The following LRIG2 variants were observed in gnomAD, a reference collection of about 807,000 sequenced individuals.
The protein encoded by LRIG2 is leucine rich repeats and immunoglobulin like domains 2.
Under a neutral mutation model 107.8 loss-of-function variants are expected in LRIG2, and 93 were observed. The observed-to-expected ratio is 0.86, with a 90% CI of 0.73 to 1.03. The LOEUF (loss-of-function observed/expected upper bound fraction) is 1.03. Among genes scored for constraint, LRIG2 ranks in the 50% least tolerant of loss-of-function variants. The probability of loss-of-function intolerance (pLI) is 0.00; values close to 1 mark genes in which losing one functional copy is unlikely to be tolerated. For synonymous variants in LRIG2, 471 were observed against 470.6 expected, an observed-to-expected ratio of 1.00 and a Z score of -0.01; for missense variants, 1,226 against 1,296.0, an observed-to-expected ratio of 0.95 and a Z score of 0.83.
In LRIG2 at chr1:113,073,422, CT is replaced by C. The variant is rs1189543766; in HGVS notation, c.17del (p.Leu6GlnfsTer97). On this transcript the variant is annotated frameshift_variant, in exon 1 of 18. Transcript: ENST00000361127. LOFTEE classifies it high-confidence loss of function. MAPAP[L>X]GVPEEQLLGC... ...GAGGGGGAAAATGGCGCCGGCGCCC[CT>C]AGGCGTCCCGGAGGAGCAGTTGCTG... The C allele has an allele frequency of 4.3e-6, 7 of 1,613,770 alleles. No individual in the cohort carries two copies. The highest frequency in any genetic ancestry group is 1.3e-5 in the African/African-American group (1 of 74,932).
chr1:113,080,800 A>C (rs1329841177), intron 1 of LRIG2, among the ~76,000 whole-genome samples: 4 of 151,924 alleles, frequency 2.6e-5, no homozygotes, highest in Admixed American at 2.0e-4. Flanking sequence ...TCATCTTTTT[A>C]AACAAAGAAA....
Position 113,073,592 on chromosome 1 carries a change from C to T in LRIG2, c.186C>T (p.Pro62=). The T allele has an allele frequency of 6.2e-7, 1 of 1,613,838 alleles. No homozygotes were observed. Among genetic ancestry groups the T allele is most frequent in the Non-Finnish European group, 8.5e-7 (1 of 1,179,972 alleles). Residue 62 remains proline (P), a synonymous_variant, in exon 1 of 18, where the codon CCC becomes CCT. Coordinates refer to ENST00000361127, the MANE Select transcript of LRIG2 (RefSeq NM_014813.3). The part of the protein sequence containing the change: ...PLLDCSRRKL[P]APSWRALSGL... ...TGGACTGCAGTCGCAGGAAATTGCCCGCACCGAGCTGGAGGGCGCTGTCGG... is the reference window on the plus strand; with the variant it reads ...TGGACTGCAGTCGCAGGAAATTGCCTGCACCGAGCTGGAGGGCGCTGTCGG...
intron 8 of LRIG2, among the ~76,000 whole-genome samples, chr1:113,097,135 C>T (rs1394418559): frequency 6.6e-6 from 1 of 151,524 alleles, no homozygotes; most frequent in Non-Finnish European, 1.5e-5. Context: ...GTAAGTTATT[C>T]AATTTACAGA....
rs900501287 is a variant in LRIG2 at position 113,127,128 on chromosome 1, A to G, written c.*3027A>G. On this transcript the variant is annotated 3_prime_UTR_variant, in exon 18 of 18. Coordinates refer to ENST00000361127, the MANE Select transcript of LRIG2 (RefSeq NM_014813.3). ...GAAACCAAAGATTGCTTCTTTTCCA[A>G]GTTTGTTTTGTTTTTAATCTTTTAC... 4.6e-5 allele frequency: 7 copies of G among 152,192 alleles called. No individual in the cohort carries two copies. The highest frequency in any genetic ancestry group is 1.4e-4 in the African/African-American group (6 of 41,444). 9.4% of individuals were successfully genotyped at this position (152,192 alleles called of 1,614,324 possible). A position where few individuals can be genotyped will look rare whatever the true frequency, so the allele number is the denominator to read the frequency against.
chr1:113,100,531 T>TA lies in LRIG2; in HGVS notation c.1313+43_1313+44insA, dbSNP rs534957860. 58 of 1,164,450 alleles carry TA rather than the reference T, an allele frequency of 5.0e-5. 2 individuals are homozygous for TA. In the South Asian group the frequency reaches 6.9e-4, roughly 14 times the overall value. 72.1% of individuals were successfully genotyped at this position (1,164,450 alleles called of 1,614,324 possible). On this transcript the variant is annotated intron_variant, in intron 11 of 17. Transcript: ENST00000361127. ...TTAAAATCACCAGTTGGATCATTGTTCCTGCTTGTTGTGCTTAAAGTGTGA... is the reference window on the plus strand; with the variant it reads ...TTAAAATCACCAGTTGGATCATTGTTACCTGCTTGTTGTGCTTAAAGTGTGA...
At position 113,130,783 on chromosome 1, in the gene LRIG2, G is replaced by A. The variant is rs888347411; in HGVS notation, c.*6682G>A. 5 of 152,104 alleles carry A rather than the reference G, an allele frequency of 3.3e-5. No homozygotes were observed. The highest frequency in any genetic ancestry group is 1.9e-4 in the East Asian group (1 of 5,198). 9.4% of individuals were successfully genotyped at this position (152,104 alleles called of 1,614,324 possible). The stretch of plus-strand genomic sequence containing the variant: ...ATTTTGGACTTTGGTTGACAAAAGC[G>A]GTCTGACCTGTGTTCGTAGCTGGGA... On this transcript the variant is annotated 3_prime_UTR_variant, in exon 18 of 18. Transcript: ENST00000361127.
In LRIG2 at chr1:113,114,621, G is replaced by A. The variant is rs1227064636; in HGVS notation, c.2275G>A (p.Glu759Lys). Residue 759 changes from glutamate to lysine, a missense_variant, in exon 15 of 18, where the codon GAA (glutamate) becomes AAA (lysine). This residue lies in a region of LRIG2 where 642 missense variants were observed against 712.2 expected (regional missense o/e 0.90). Coordinates refer to ENST00000361127, the MANE Select transcript of LRIG2 (RefSeq NM_014813.3). ...QLLIIVDAGL[E>K]DAGKYTCIMS... ...TCTCATCATTGTAGATGCCGGGCTAGAAGATGCTGGGAAATATACCTGCAT... is the reference window on the plus strand; with the variant it reads ...TCTCATCATTGTAGATGCCGGGCTAAAAGATGCTGGGAAATATACCTGCAT... 6.2e-7 allele frequency: 1 copy of A among 1,614,148 alleles called. No individual in the cohort carries two copies. The highest frequency in any genetic ancestry group is 1.1e-5 in the South Asian group (1 of 91,076).
chr1:113,108,225 C>CTTT (rs58719865), intron 12 of LRIG2, among the ~76,000 whole-genome samples: 1 of 139,838 alleles, frequency 7.2e-6, no homozygotes, highest in Non-Finnish European at 1.6e-5. Flanking sequence ...TTCAAATATA[C>CTTT]TTTTTTTTTT....
intron 1 of LRIG2, among the ~76,000 whole-genome samples, chr1:113,082,255 A>G (rs1044844087): frequency 6.6e-6 from 1 of 152,216 alleles, no homozygotes; most frequent in Admixed American, 6.5e-5. Flanking sequence ...GATATCTTCA[A>G]GACATTTTTG....
At chr1:113,084,017 TA>T (rs1653416497) in intron 1 of LRIG2, among the ~76,000 whole-genome samples, 1 of 137,498 alleles carries the variant, frequency 7.3e-6, no homozygotes, top group Admixed American at 8.0e-5. Flanking sequence ...ATAATAATAA[TA>T]ATAATAATAA....
chr1:113,075,591 T>C (rs1374682553), intron 1 of LRIG2, among the ~76,000 whole-genome samples: 9 of 151,984 alleles, frequency 5.9e-5, no homozygotes, highest in Non-Finnish European at 1.0e-4. Context: ...TGCCTTTTTC[T>C]AAGACATTCT....
intron 1 of LRIG2, among the ~76,000 whole-genome samples, chr1:113,074,960 GTAATCCCAGCACTC>G (rs1293669962): frequency 2.0e-5 from 3 of 152,034 alleles, no homozygotes; most frequent in Non-Finnish European, 4.4e-5. Context: ...GCTCACGCTT[GTAATCCCAGCACTC>G]TGGGAGGCTG....
chr1:113,104,037 C>T (rs1314221452), intron 11 of LRIG2, among the ~76,000 whole-genome samples: 1 of 152,116 alleles, frequency 6.6e-6, no homozygotes, highest in East Asian at 1.9e-4. Flanking sequence ...TGTTTGAGCC[C>T]CTGCTAACTA....
Position 113,110,450 on chromosome 1 carries a change from T to A in LRIG2, c.1686T>A (p.Thr562=), listed in dbSNP as rs770321771. The change falls in exon 13 of 18, where the codon ACT becomes ACA. Residue 562 remains threonine, a synonymous_variant. Transcript: ENST00000361127. Reference sequence around the variant, plus strand: ...AAGCTGGAGAAGCTCTGGAATATACTAGTATCTTACATCTTTTCAATGTGA... The same window carrying A: ...AAGCTGGAGAAGCTCTGGAATATACAAGTATCTTACATCTTTTCAATGTGA... The part of the protein sequence containing the change: ...WQQAGEALEY[T]SILHLFNVNF... The A allele has an allele frequency of 6.2e-7, 1 of 1,613,752 alleles. No individual in the cohort carries two copies. Among genetic ancestry groups the A allele is most frequent in the Admixed American group, 1.7e-5 (1 of 60,018 alleles).
rs1344333484 is a variant in LRIG2, at chr1:113,110,574, T to C, written c.1798+12T>C. 2.6e-6 allele frequency: 4 copies of C among 1,560,826 alleles called. No individual in the cohort carries two copies. In the East Asian group the frequency reaches 6.7e-5, roughly 26 times the overall value. On this transcript the variant is annotated intron_variant, in intron 13 of 17. Coordinates refer to ENST00000361127, the MANE Select transcript of LRIG2 (RefSeq NM_014813.3). ...ACTGACTGTAAATGGTAAGGAATTA[T>C]GCTCCTTGATTTTTTTTAGTTTAGA...
chr1:113,104,082 T>A (rs1166012973), intron 11 of LRIG2, among the ~76,000 whole-genome samples: 17 of 152,192 alleles, frequency 1.1e-4, no homozygotes. Flanking sequence ...CACCTCCTCC[T>A]TGTTGGACCT....
intron 1 of LRIG2, among the ~76,000 whole-genome samples, chr1:113,078,278 GC>G (rs1162803471): frequency 2.7e-5 from 4 of 149,868 alleles, no homozygotes; most frequent in African/African-American, 9.8e-5. Flanking sequence ...TTGCTGTGTT[GC>G]CCAGGCTGGA....
At position 113,123,927 on chromosome 1, in the gene LRIG2, T is replaced by C. The variant is rs776260197; in HGVS notation, c.3024T>C (p.His1008=). The C allele has an allele frequency of 1.9e-6, 3 of 1,614,152 alleles. No individual in the cohort carries two copies. The highest frequency in any genetic ancestry group is 2.5e-6 in the Non-Finnish European group (3 of 1,180,010). Residue 1008 remains histidine (H), a synonymous_variant, in exon 18 of 18, where the codon CAT becomes CAC. Transcript: ENST00000361127. ...WNINRELGLP[H]PPFSQQPVHE... Reference sequence around the variant, plus strand: ...TAAACAGAGAACTAGGCCTGCCTCATCCTCCTTTTTCCCAGCAGCCAGTCC... The same window carrying C: ...TAAACAGAGAACTAGGCCTGCCTCACCCTCCTTTTTCCCAGCAGCCAGTCC...
intron 1 of LRIG2, among the ~76,000 whole-genome samples, chr1:113,073,942 C>G (rs985769404): frequency 7.4e-6 from 1 of 135,440 alleles, no homozygotes; most frequent in Non-Finnish European, 1.5e-5. Context: ...TAAGGACTCA[C>G]GGGTCCTGGG....
Sources: allele counts gnomAD v4.1 joint callset (sites outside exome capture counted in the v4.1 genomes callset), GRCh38; gene constraint gnomAD v4.1.1; regional missense constraint gnomAD v4.1.1; transcripts MANE v1.5; gene names NCBI Gene and HGNC (gene_info 2026-07-23, HGNC 2026-07-21).